The following CSMD1 variants were observed in gnomAD, a reference collection of about 807,000 sequenced individuals.
The protein encoded by CSMD1 is CUB and sushi domain-containing protein 1.
In CSMD1, 213 loss-of-function variants were observed where a neutral mutation model predicts 417.5. That is an observed-to-expected ratio of 0.51 (90% CI 0.46 to 0.57). The LOEUF (loss-of-function observed/expected upper bound fraction) is 0.57, where lower values mean the gene tolerates loss of function less well. CSMD1 is among the 20% of genes least tolerant of loss of function. CSMD1 has a pLI of 0.00. For missense variants in CSMD1, 6,923 were observed against 4,529.7 expected (o/e 1.53, Z -15.17); for synonymous variants, 2,862 against 1,736.8 (o/e 1.65, Z -16.11).
At chr8:3,428,433 CA>C (rs1813994564) in intron 12 of CSMD1, among the ~76,000 whole-genome samples, 1 of 151,994 alleles carries the variant, frequency 6.6e-6, no homozygotes, top group African/African-American at 2.4e-5. Flanking sequence ...ACGAAACTGT[CA>C]AGAATATTAA....
chr8:4,852,528 C>T (rs1801538483), intron 1 of CSMD1, among the ~76,000 whole-genome samples: 1 of 152,140 alleles, frequency 6.6e-6, no homozygotes, highest in African/African-American at 2.4e-5. Flanking sequence ...TTATAAGTTA[C>T]CTAGCCTTGG....
At chr8:4,763,459 T>C (rs1055621450) in intron 1 of CSMD1, among the ~76,000 whole-genome samples, 1 of 152,160 alleles carries the variant, frequency 6.6e-6, no homozygotes, top group Non-Finnish European at 1.5e-5. Context: ...TTTATAATAG[T>C]GACATGATGA....
chr8:4,537,508 G>A (rs912081410), intron 2 of CSMD1, among the ~76,000 whole-genome samples: 2 of 152,102 alleles, frequency 1.3e-5, no homozygotes, highest in African/African-American at 4.8e-5. Flanking sequence ...GGAACTGTAT[G>A]TTATTACAGA....
rs186125410 is a variant in CSMD1, at chr8:3,175,638, G to C, written c.5725+5472C>G. ...AGGTTGCCTTTGCCATGGGTTTCAT[G>C]TTTGAGGCCCCGTTCCCTCTGCATA... is the stretch of plus-strand genomic sequence containing the variant. On this transcript the variant is annotated intron_variant, in intron 37 of 69. Coordinates refer to ENST00000635120, the MANE Select transcript of CSMD1 (RefSeq NM_033225.6). Among the ~76,000 whole-genome samples the C allele has an allele frequency of 9.2e-4, 128 of 138,668 alleles. 3 individuals carry two copies. Among genetic ancestry groups the C allele is most frequent in the African/African-American group, 3.2e-3 (123 of 38,228 alleles). 91.0% of individuals were successfully genotyped at this position (138,668 alleles called of 152,430 possible).
At chr8:4,612,078 G>A (rs1363528801) in intron 2 of CSMD1, among the ~76,000 whole-genome samples, 5 of 152,120 alleles carry the variant, frequency 3.3e-5, no homozygotes, top group Admixed American at 2.6e-4. Flanking sequence ...GAGGATAGAA[G>A]AGTGCTGGGA....
chr8:4,114,514 C>T (rs1341391540), intron 3 of CSMD1, among the ~76,000 whole-genome samples: 1 of 152,050 alleles, frequency 6.6e-6, no homozygotes, highest in Admixed American at 6.6e-5. Context: ...CATTCTGCAG[C>T]CCATGGATCA....
At chr8:4,015,836 C>G (rs889070771) in intron 4 of CSMD1, among the ~76,000 whole-genome samples, 2 of 152,146 alleles carry the variant, frequency 1.3e-5, no homozygotes, top group Non-Finnish European at 2.9e-5. Flanking sequence ...GGCGTAACTT[C>G]CCAATAATGG....
intron 1 of CSMD1, among the ~76,000 whole-genome samples, chr8:4,963,714 C>G (rs1159570844): frequency 6.6e-6 from 1 of 152,020 alleles, no homozygotes; most frequent in Non-Finnish European, 1.5e-5. Context: ...TCTTCTTTGA[C>G]CATACAATTT....
rs926414004 is a variant in CSMD1, at chr8:4,722,501, G to A, written c.86-84943C>T. The stretch of plus-strand genomic sequence containing the variant: ...CTATATCCTGCTTCCATTAGGACTT[G>A]GGAGGATTGCTGATTCTTCAGGAGT... On this transcript the variant is annotated intron_variant, in intron 1 of 69. Transcript: ENST00000635120. Among the ~76,000 whole-genome samples the A allele has an allele frequency of 4.6e-5, 7 of 151,966 alleles. No homozygotes were observed. In the East Asian group the frequency reaches 1.4e-3, roughly 29 times the overall value.
intron 2 of CSMD1, among the ~76,000 whole-genome samples, chr8:4,526,916 G>A (rs907857915): frequency 4.0e-5 from 6 of 151,850 alleles, no homozygotes; most frequent in African/African-American, 1.2e-4. Flanking sequence ...ACATGACTTC[G>A]TCAAGGTTAG....
At chr8:3,772,766 G>T (rs1798687892) in intron 5 of CSMD1, among the ~76,000 whole-genome samples, 1 of 149,326 alleles carries the variant, frequency 6.7e-6, no homozygotes, top group Non-Finnish European at 1.5e-5. Flanking sequence ...AATATTGAAC[G>T]AATGTCTGGT....
chr8:3,633,966 C>A (rs532126885), intron 7 of CSMD1, among the ~76,000 whole-genome samples: 1 of 150,208 alleles, frequency 6.7e-6, no homozygotes, highest in African/African-American at 2.5e-5. Context: ...CAGTATGAAA[C>A]ATGAAGATGA....
chr8:3,512,986 A>G (rs1797140616), intron 10 of CSMD1, among the ~76,000 whole-genome samples: 1 of 152,284 alleles, frequency 6.6e-6, no homozygotes, highest in South Asian at 2.1e-4. Flanking sequence ...CTCCGTCCCT[A>G]TGAAAGGCAT....
At position 4,160,000 on chromosome 8, in the gene CSMD1, T is replaced by C. The variant is rs534156193; in HGVS notation, c.416-127901A>G. 3.9e-5 allele frequency among the ~76,000 whole-genome samples: 6 copies of C among 152,146 alleles called. No individual in the cohort carries two copies. In the East Asian group the frequency reaches 1.2e-3, roughly 29 times the overall value. ...CAATTGGGTTCAATGTATAATGCTC[T>C]GGTGATGGGTGCACCAAAATTTCAG... On this transcript the variant is annotated intron_variant, in intron 3 of 69. Transcript: ENST00000635120.
chr8:3,479,554 A>G (rs1817616518), intron 11 of CSMD1, among the ~76,000 whole-genome samples: 2 of 152,238 alleles, frequency 1.3e-5, no homozygotes, highest in African/African-American at 2.4e-5. Flanking sequence ...TGCTGGGATT[A>G]CAGGTGTGAG....
At chr8:3,982,321 C>G (rs1585074991) in intron 5 of CSMD1, among the ~76,000 whole-genome samples, 2 of 151,888 alleles carry the variant, frequency 1.3e-5, no homozygotes, top group East Asian at 3.9e-4. Context: ...TTACACAATC[C>G]TTCTCTGCCT....
intron 5 of CSMD1, among the ~76,000 whole-genome samples, chr8:3,914,274 G>A (rs1808654027): frequency 6.6e-6 from 1 of 152,108 alleles, no homozygotes; most frequent in African/African-American, 2.4e-5. Flanking sequence ...TGCATACTTT[G>A]GAGAGAAAGG....
In CSMD1 at chr8:4,281,609, A is replaced by G. The variant is rs142372485; in HGVS notation, c.415+138344T>C. 7.9e-5 allele frequency among the ~76,000 whole-genome samples: 12 copies of G among 152,324 alleles called. No individual in the cohort carries two copies. The East Asian group carries it at 2.3e-3, about 29-fold the overall frequency. On this transcript the variant is annotated intron_variant, in intron 3 of 69. Coordinates refer to ENST00000635120, the MANE Select transcript of CSMD1 (RefSeq NM_033225.6). ...TGAATCTAAGAAGTATGTATAGCCA[A>G]AAGTTAAAGCTTTTAACTTTTATGT...
rs1808122441 is a variant in CSMD1 at position 4,708,977 on chromosome 8, T to A, written c.86-71419A>T. Among the ~76,000 whole-genome samples, 3 of 152,124 alleles carry A rather than the reference T, an allele frequency of 2.0e-5. 1 individual carries two copies. Among genetic ancestry groups the A allele is most frequent in the African/African-American group, 7.2e-5 (3 of 41,440 alleles). On this transcript the variant is annotated intron_variant, in intron 1 of 69. Transcript: ENST00000635120. The stretch of plus-strand genomic sequence containing the variant: ...AGAAAAGAGCAATCCTGCTGATACC[T>A]CGATCTTGGGCTTCCAACCTCCTGA...
Sources: gnomAD v4.1 joint callset for allele counts (sites outside exome capture counted in the v4.1 genomes callset) on GRCh38, gnomAD v4.1.1 for gene constraint, MANE v1.5 for transcripts, NCBI Gene and HGNC (gene_info 2026-07-23, HGNC 2026-07-21) for gene names.